The following BLTP3A variants were observed in gnomAD, a reference collection of about 807,000 sequenced individuals.
The protein encoded by BLTP3A is bridge-like lipid transfer protein family member 3A, also known as ICBP90 binding protein 1.
the BLTP3A span, chr6:34,834,103 AAAAAAT>A: frequency 2.6e-5 from 32 of 1,210,054 alleles, no homozygotes; most frequent in Non-Finnish European, 3.3e-5. Flanking sequence ...ACCTGTCTCA[AAAAAAT>A]AAAAAGACTA....
At chr6:34,794,291 A>T in the BLTP3A span, among the ~76,000 whole-genome samples, 1 of 152,248 alleles carries the variant, frequency 6.6e-6, no homozygotes, top group Non-Finnish European at 1.5e-5. Context: ...ATATCAAAAC[A>T]TCTCATGTAC....
At chr6:34,865,224 C>G in the BLTP3A span, among the ~76,000 whole-genome samples, 1 of 152,340 alleles carries the variant, frequency 6.6e-6, no homozygotes, top group Non-Finnish European at 1.5e-5. Flanking sequence ...CTGTTAAGCA[C>G]CATCCTGCTC....
chr6:34,867,328 A>G, the BLTP3A span: 2 of 1,614,082 alleles, frequency 1.2e-6, no homozygotes, highest in African/African-American at 1.3e-5. Context: ...AGGGGTCACC[A>G]GCAGCCAACA....
chr6:34,817,123 T>C, the BLTP3A span, among the ~76,000 whole-genome samples: 1 of 152,228 alleles, frequency 6.6e-6, no homozygotes, highest in African/African-American at 2.4e-5. Context: ...GCATGCACTG[T>C]CTTCCTTTAC....
the BLTP3A span, chr6:34,823,462 G>T: frequency 1.3e-6 from 1 of 781,192 alleles, no homozygotes. Context: ...CTAAAGTAAA[G>T]AAAATGGTAT....
At chr6:34,842,004 A>G in the BLTP3A span, among the ~76,000 whole-genome samples, 2 of 152,194 alleles carry the variant, frequency 1.3e-5, no homozygotes, top group Admixed American at 6.6e-5. Flanking sequence ...AGTCATTTAT[A>G]TACACTATTT....
the BLTP3A span, chr6:34,836,195 C>G: frequency 1.2e-6 from 2 of 1,614,162 alleles, no homozygotes; most frequent in Non-Finnish European, 1.7e-6. Context: ...GTCCTGGGCC[C>G]AGGCATTTGG....
the BLTP3A span, among the ~76,000 whole-genome samples, chr6:34,825,394 A>T: frequency 3.3e-5 from 5 of 150,450 alleles, no homozygotes; most frequent in African/African-American, 1.2e-4. Flanking sequence ...TGCAACCTCC[A>T]CCTCCCTGGT....
At chr6:34,803,145 C>G in the BLTP3A span, among the ~76,000 whole-genome samples, 1 of 151,622 alleles carries the variant, frequency 6.6e-6, no homozygotes, top group Non-Finnish European at 1.5e-5. Flanking sequence ...GATCGCGCCA[C>G]TGCACTCCAG....
the BLTP3A span, among the ~76,000 whole-genome samples, chr6:34,794,076 C>T: frequency 6.6e-6 from 1 of 151,920 alleles, no homozygotes; most frequent in Non-Finnish European, 1.5e-5. Flanking sequence ...AGGAGGATCG[C>T]TTCAGCTCGG....
chr6:34,863,097 A>G, the BLTP3A span, among the ~76,000 whole-genome samples: 14 of 152,024 alleles, frequency 9.2e-5, no homozygotes, highest in East Asian at 2.7e-3. Context: ...TGTAGAGACC[A>G]GGTTTTGCCA....
the BLTP3A span, chr6:34,834,429 G>A: frequency 1.7e-5 from 28 of 1,610,070 alleles, no homozygotes; most frequent in Non-Finnish European, 2.2e-5. Context: ...TCATTGTGAA[G>A]GGAGAGAATG....
the BLTP3A span, among the ~76,000 whole-genome samples, chr6:34,833,237 G>A: frequency 6.6e-6 from 1 of 152,056 alleles, no homozygotes; most frequent in African/African-American, 2.4e-5. Context: ...GTTGGCTGTG[G>A]GATTTGAGCA....
chr6:34,823,802 C>T, the BLTP3A span, among the ~76,000 whole-genome samples: 2 of 151,800 alleles, frequency 1.3e-5, no homozygotes, highest in African/African-American at 4.8e-5. Context: ...CCCCAAAGCC[C>T]TGGGATTACG....
At chr6:34,845,624 T>C in the BLTP3A span, among the ~76,000 whole-genome samples, 1 of 151,836 alleles carries the variant, frequency 6.6e-6, no homozygotes, top group East Asian at 1.9e-4. Flanking sequence ...TGAGATGGAG[T>C]CTTGCTCTGT....
the BLTP3A span, among the ~76,000 whole-genome samples, chr6:34,846,105 C>T: frequency 8.0e-6 from 1 of 125,474 alleles, no homozygotes; most frequent in African/African-American, 3.1e-5. Context: ...CTCCCCTCCC[C>T]TCCCCTCCCT....
chr6:34,863,081 T>A, the BLTP3A span, among the ~76,000 whole-genome samples: 1 of 151,884 alleles, frequency 6.6e-6, no homozygotes, highest in Non-Finnish European at 1.5e-5. Context: ...AATCTTTGTA[T>A]TTTTTTGTAG....
the BLTP3A span, chr6:34,867,271 A>G: frequency 6.2e-7 from 1 of 1,614,076 alleles, no homozygotes; most frequent in Non-Finnish European, 8.5e-7. Flanking sequence ...CAAATGTCTC[A>G]GATAATGCTG....
chr6:34,802,324 A>G, the BLTP3A span, among the ~76,000 whole-genome samples: 1 of 151,336 alleles, frequency 6.6e-6, no homozygotes, highest in South Asian at 2.1e-4. Flanking sequence ...CTCCTGCCTC[A>G]GCCTCCTGAG....
Sources: allele counts gnomAD v4.1 joint callset (sites outside exome capture counted in the v4.1 genomes callset), GRCh38; gene constraint gnomAD v4.1.1; transcripts MANE v1.5; gene names NCBI Gene and HGNC (gene_info 2026-07-23, HGNC 2026-07-21).